The following PTPRG variants were observed in gnomAD, a reference collection of about 807,000 sequenced individuals.
PTPRG encodes protein tyrosine phosphatase receptor type G.
PTPRG carries 102 observed loss-of-function variants against 165.3 expected under a neutral mutation model. The ratio of observed to expected loss-of-function variants is 0.62; its 90% CI spans 0.53 to 0.73. The LOEUF (loss-of-function observed/expected upper bound fraction) is 0.73. Ranked by LOEUF, PTPRG falls within the 30% of genes least tolerant of loss-of-function variation. PTPRG has a pLI of 0.00. For synonymous variants in PTPRG, 675 were observed against 669.5 expected (o/e 1.01, Z -0.13); for missense variants, 1,866 against 1,861.4 (o/e 1.00, Z -0.05).
intron 6 of PTPRG, among the ~76,000 whole-genome samples, chr3:62,134,867 G>A (rs1053629100): frequency 2.6e-5 from 4 of 152,178 alleles, no homozygotes; most frequent in African/African-American, 9.7e-5. Context: ...ATGAAGGGAA[G>A]GAGGAACTAA....
At chr3:61,838,580 AAC>A (rs2036535344) in intron 2 of PTPRG, among the ~76,000 whole-genome samples, 1 of 152,244 alleles carries the variant, frequency 6.6e-6, no homozygotes, top group Non-Finnish European at 1.5e-5. Context: ...CTTAAATAAA[AAC>A]AGTCTGTTAA....
intron 1 of PTPRG, among the ~76,000 whole-genome samples, chr3:61,630,567 A>G (rs990006516): frequency 2.0e-5 from 3 of 152,132 alleles, no homozygotes; most frequent in African/African-American, 7.2e-5. Flanking sequence ...AGAGCTCTTC[A>G]GGGGATCTTT....
At chr3:61,695,442 A>G (rs1455448143) in intron 1 of PTPRG, among the ~76,000 whole-genome samples, 2 of 152,202 alleles carry the variant, frequency 1.3e-5, no homozygotes, top group East Asian at 3.8e-4. Context: ...GGTTATGGGT[A>G]GGGTCCTGAA....
At chr3:62,276,051 G>A in intron 24 of PTPRG, 85 bp downstream of exon 24, 5 of 952,850 alleles carry the variant, frequency 5.2e-6, no homozygotes, top group Non-Finnish European at 8.0e-6. Flanking sequence ...TGATGCTATT[G>A]ATAGCACCCT....
chr3:62,006,746 G>T (rs999145505), intron 4 of PTPRG, among the ~76,000 whole-genome samples: 3 of 152,104 alleles, frequency 2.0e-5, no homozygotes, highest in Non-Finnish European at 4.4e-5. Context: ...TATTGCCATT[G>T]TTAGAAGTGT....
At chr3:61,955,658 C>T (rs1306137606) in intron 2 of PTPRG, among the ~76,000 whole-genome samples, 2 of 152,038 alleles carry the variant, frequency 1.3e-5, no homozygotes, top group East Asian at 3.9e-4. Flanking sequence ...TAAAAATACC[C>T]TTGTCTTAAA....
At chr3:61,622,186 C>G (rs12634898) in intron 1 of PTPRG, among the ~76,000 whole-genome samples, 19,029 of 152,180 alleles carry the variant, frequency 0.13, 1,344 homozygotes, top group African/African-American at 0.19. Flanking sequence ...TCTTGCCTCC[C>G]TCTCCAACAC....
At chr3:61,656,954 T>G (rs1438929751) in intron 1 of PTPRG, among the ~76,000 whole-genome samples, 1 of 152,148 alleles carries the variant, frequency 6.6e-6, no homozygotes, top group African/African-American at 2.4e-5. Context: ...GAGAGAAGAT[T>G]CCTTTCCCTT....
intron 2 of PTPRG, among the ~76,000 whole-genome samples, chr3:61,894,544 A>G (rs1221611936): frequency 6.6e-6 from 1 of 152,012 alleles, no homozygotes; most frequent in East Asian, 1.9e-4. Context: ...ATTTATTTTC[A>G]TTTTTCTAAC....
rs907880158 is a variant in PTPRG at position 62,217,368 on chromosome 3, C to T, written c.2156-1483C>T. On this transcript the variant is annotated intron_variant, in intron 12 of 29. Coordinates refer to ENST00000474889, the MANE Select transcript of PTPRG (RefSeq NM_002841.4). This position sits in a 1 kb window ranked among gnomAD's most constrained non-coding sequence, Gnocchi z 4.3. ...CTGAAACAAAGGAGGTGGTCAACAT[C>T]AAATGCATTAGAGGAAATCCAGTGA... Among the ~76,000 whole-genome samples, 1 of 152,204 alleles carries T rather than the reference C, an allele frequency of 6.6e-6. No homozygotes were observed. The highest frequency in any genetic ancestry group is 2.4e-5 in the African/African-American group (1 of 41,452).
At chr3:61,796,257 CTCG>C (rs1425009770) in intron 2 of PTPRG, among the ~76,000 whole-genome samples, 5 of 152,186 alleles carry the variant, frequency 3.3e-5, no homozygotes, top group African/African-American at 1.2e-4. Flanking sequence ...ACGCAGATAA[CTCG>C]TTAGGTTTCC....
chr3:61,804,888 C>T (rs1357986671), intron 2 of PTPRG, among the ~76,000 whole-genome samples: 1 of 152,188 alleles, frequency 6.6e-6, no homozygotes, highest in Non-Finnish European at 1.5e-5. Context: ...CAGCTCTCTT[C>T]CCCCCTTTGC....
chr3:61,780,744 G>A (rs929744088), intron 2 of PTPRG, among the ~76,000 whole-genome samples: 4 of 152,128 alleles, frequency 2.6e-5, no homozygotes, highest in African/African-American at 9.7e-5. Flanking sequence ...CATGATCTAA[G>A]AATTTGTTTT....
chr3:62,135,886 T>G (rs547968185), intron 6 of PTPRG, among the ~76,000 whole-genome samples: 6 of 152,012 alleles, frequency 3.9e-5, no homozygotes. Context: ...CTGAAAGGAG[T>G]CCTGTGTTGG....
At chr3:61,762,688 G>A (rs1713531) in intron 2 of PTPRG, among the ~76,000 whole-genome samples, 67,459 of 151,962 alleles carry the variant, frequency 0.44, 15,741 homozygotes, top group Non-Finnish European at 0.52. Context: ...AGTCATTTCC[G>A]GGAGTATGAA....
At chr3:61,888,553 G>T (rs2038120810) in intron 2 of PTPRG, among the ~76,000 whole-genome samples, 1 of 151,980 alleles carries the variant, frequency 6.6e-6, no homozygotes, top group African/African-American at 2.4e-5. Context: ...GGATGGTCTC[G>T]ATCTCCTGAC....
chr3:61,935,327 G>C lies in PTPRG; in HGVS notation c.191-54298G>C, dbSNP rs72884128. Among the ~76,000 whole-genome samples the C allele has an allele frequency of 9.2e-3, 1,400 of 152,206 alleles. 26 individuals are homozygous for C. The highest frequency in any genetic ancestry group is 0.032 in the African/African-American group (1,309 of 41,510). ...AGATGGACAGAATACGTCCTGCTTCGTGTGCTTTTGATGGACATCCTGTCT... is the reference window on the plus strand; with the variant it reads ...AGATGGACAGAATACGTCCTGCTTCCTGTGCTTTTGATGGACATCCTGTCT... On this transcript the variant is annotated intron_variant, in intron 2 of 29. Transcript: ENST00000474889.
chr3:61,564,276 T>G (rs1699850745), intron 1 of PTPRG, among the ~76,000 whole-genome samples: 1 of 152,120 alleles, frequency 6.6e-6, no homozygotes, highest in South Asian at 2.1e-4. Flanking sequence ...GGGCCACTCT[T>G]TAATGGGTGC....
In PTPRG at chr3:62,168,064, C is replaced by T; in HGVS notation, c.934C>T (p.Leu312=). The change falls in exon 8 of 30, where the codon CTG becomes TTG. Residue 312 remains leucine (L), a synonymous_variant. Coordinates refer to ENST00000474889, the MANE Select transcript of PTPRG (RefSeq NM_002841.4). ...LRNNFRPQQR[L]HDRVVSKSAV... ...AAATAACTTTCGACCACAGCAGCGTCTGCATGACAGGGTGGTGTCCAAGTC... is the reference window on the plus strand; with the variant it reads ...AAATAACTTTCGACCACAGCAGCGTTTGCATGACAGGGTGGTGTCCAAGTC... The T allele has an allele frequency of 6.2e-7, 1 of 1,614,076 alleles. No individual in the cohort carries two copies. The highest frequency in any genetic ancestry group is 2.2e-5 in the East Asian group (1 of 44,872).
Sources: gnomAD v4.1 joint callset for allele counts (sites outside exome capture counted in the v4.1 genomes callset) on GRCh38, gnomAD v4.1.1 for gene constraint, Gnocchi (gnomAD v3.1) non-coding constraint, MANE v1.5 for transcripts, NCBI Gene and HGNC (gene_info 2026-07-23, HGNC 2026-07-21) for gene names.